EPB41: variants seen among roughly 807,000 people sequenced by gnomAD.
EPB41 encodes the protein protein 4.1.
EPB41 carries 65 observed loss-of-function variants against 108.0 expected under a neutral mutation model. The observed-to-expected ratio is 0.60, with a 90% CI of 0.49 to 0.74. The LOEUF (loss-of-function observed/expected upper bound fraction) is 0.74. Ranked by LOEUF, EPB41 falls within the 30% of genes least tolerant of loss-of-function variation. EPB41 has a pLI of 0.00. For missense variants in EPB41, 875 were observed against 1,037.0 expected (o/e 0.84, Z 2.15); for synonymous variants, 336 against 358.9 (o/e 0.94, Z 0.72).
intron 1 of EPB41, among the ~76,000 whole-genome samples, chr1:28,973,484 G>A (rs2095537618): frequency 6.6e-6 from 1 of 152,032 alleles, no homozygotes. Context: ...CAAATTCCTG[G>A]GCTCAAGCAA....
chr1:28,900,921 C>T (rs2091219713), intron 1 of EPB41, among the ~76,000 whole-genome samples: 1 of 151,986 alleles, frequency 6.6e-6, no homozygotes, highest in African/African-American at 2.4e-5. Flanking sequence ...AAGACCTTTC[C>T]TATCTTTTTA....
intron 1 of EPB41, among the ~76,000 whole-genome samples, chr1:28,981,919 A>C (rs1206044426): frequency 2.0e-5 from 3 of 147,698 alleles, no homozygotes; most frequent in Non-Finnish European, 4.5e-5. Context: ...TTATACTTTA[A>C]GTTTTAGGGT....
intron 1 of EPB41, among the ~76,000 whole-genome samples, chr1:28,897,700 G>GAAAGA (rs1490088696): frequency 2.3e-4 from 34 of 149,896 alleles, no homozygotes; most frequent in African/African-American, 8.2e-4. Context: ...GGAAAGGAAG[G>GAAAGA]AAAGAAAGAA....
At chr1:29,086,937 GTTCTTT>G (rs1659197340) in intron 16 of EPB41, among the ~76,000 whole-genome samples, 1 of 105,228 alleles carries the variant, frequency 9.5e-6, no homozygotes, top group African/African-American at 3.2e-5. Context: ...CTTAACTGTG[GTTCTTT>G]TTTTTTTTTT....
chr1:29,057,409 A>T, intron 12 of EPB41, among the ~76,000 whole-genome samples: 1 of 150,614 alleles, frequency 6.6e-6, no homozygotes, highest in Non-Finnish European at 1.5e-5. Flanking sequence ...AAAAGAAATA[A>T]CCCCAAACCG....
chr1:28,946,235 G>T (rs565076190), intron 1 of EPB41, among the ~76,000 whole-genome samples: 1 of 147,568 alleles, frequency 6.8e-6, no homozygotes, highest in South Asian at 2.1e-4. Flanking sequence ...TCGCTCTTTC[G>T]CCCAGCCTGG....
At chr1:29,040,133 G>A (rs745839909) in intron 11 of EPB41, among the ~76,000 whole-genome samples, 5 of 152,032 alleles carry the variant, frequency 3.3e-5, no homozygotes, top group Non-Finnish European at 5.9e-5. Flanking sequence ...CCCAGGAGGT[G>A]GAGGCTGCAG....
intron 1 of EPB41, among the ~76,000 whole-genome samples, chr1:28,929,634 C>T (rs1020794968): frequency 2.6e-5 from 4 of 151,900 alleles, no homozygotes; most frequent in East Asian, 3.9e-4. Context: ...CGGGTTCAAG[C>T]GATTCTCCTG....
At chr1:29,091,075 G>C (rs775145121) in intron 16 of EPB41, among the ~76,000 whole-genome samples, 1 of 152,142 alleles carries the variant, frequency 6.6e-6, no homozygotes, top group Non-Finnish European at 1.5e-5. Flanking sequence ...TTCTACACAT[G>C]CTTTGGAAAA....
At chr1:28,969,296 G>C (rs991792961) in intron 1 of EPB41, among the ~76,000 whole-genome samples, 5 of 151,740 alleles carry the variant, frequency 3.3e-5, no homozygotes, top group African/African-American at 1.2e-4. Context: ...TGTTGACCAG[G>C]CTAGTCTCGA....
intron 12 of EPB41, among the ~76,000 whole-genome samples, chr1:29,057,301 G>A (rs1645661373): frequency 6.7e-6 from 1 of 149,912 alleles, no homozygotes. Context: ...GCGTGAACCC[G>A]GGAGGTGGAG....
chr1:28,949,596 T>G (rs2094623707), intron 1 of EPB41, among the ~76,000 whole-genome samples: 1 of 151,906 alleles, frequency 6.6e-6, no homozygotes, highest in Admixed American at 6.6e-5. Flanking sequence ...TGTTATTTAT[T>G]TATTTATTTA....
At chr1:28,983,730 T>C (rs991737463) in intron 1 of EPB41, among the ~76,000 whole-genome samples, 1 of 152,066 alleles carries the variant, frequency 6.6e-6, no homozygotes, top group Non-Finnish European at 1.5e-5. Flanking sequence ...AGTATCTGCA[T>C]CCCTCCAAGC....
intron 1 of EPB41, among the ~76,000 whole-genome samples, chr1:28,968,354 AAAAC>A (rs373567645): frequency 9.0e-4 from 137 of 152,112 alleles, no homozygotes; most frequent in Middle Eastern, 3.4e-3. Context: ...ACTCCATCTC[AAAAC>A]AAACAAACAA....
intron 2 of EPB41, among the ~76,000 whole-genome samples, chr1:28,989,739 T>G (rs2095961613): frequency 6.6e-6 from 1 of 152,160 alleles, no homozygotes; most frequent in South Asian, 2.1e-4. Context: ...AAGTGACACT[T>G]TTCACTTTAT....
At chr1:29,007,915 A>G (rs2096434773) in intron 4 of EPB41, among the ~76,000 whole-genome samples, 1 of 152,198 alleles carries the variant, frequency 6.6e-6, no homozygotes. Context: ...AGGTGCCCAA[A>G]TGTATATCTG....
At chr1:28,950,000 ATAAT>A (rs2094645430) in intron 1 of EPB41, among the ~76,000 whole-genome samples, 1 of 152,268 alleles carries the variant, frequency 6.6e-6, no homozygotes, top group South Asian at 2.1e-4. Flanking sequence ...TGACTATTTC[ATAAT>A]TAATTTATCC....
rs2095105625 is a variant in EPB41, at chr1:28,959,402, A to G, written c.-7-28029A>G. Among the ~76,000 whole-genome samples the G allele has an allele frequency of 2.6e-5, 4 of 151,826 alleles. No homozygotes were observed. The South Asian group carries it at 8.3e-4, about 32-fold the overall frequency. On this transcript the variant is annotated intron_variant, in intron 1 of 20. Transcript: ENST00000343067. ...TGGCTAATTTTTCTATTTTTAGTAG[A>G]GATGGGTTTTCGCCATGTTGGCTAG...
chr1:29,053,038 G>A, intron 11 of EPB41, 66 bp from the exon 12 acceptor site: 1 of 1,553,104 alleles, frequency 6.4e-7, no homozygotes, highest in South Asian at 1.1e-5. Context: ...ATTTTGCCTG[G>A]TGACTTTGAA....
Sources: allele counts gnomAD v4.1 joint callset (sites outside exome capture counted in the v4.1 genomes callset), GRCh38; gene constraint gnomAD v4.1.1; transcripts MANE v1.5; gene names NCBI Gene and HGNC (gene_info 2026-07-23, HGNC 2026-07-21).